RSRC2: variants seen among roughly 807,000 people sequenced by gnomAD.
The protein encoded by RSRC2 is arginine and serine rich coiled-coil 2.
Under a neutral mutation model 61.3 loss-of-function variants are expected in RSRC2, and 5 were observed. The ratio of observed to expected loss-of-function variants is 0.08; its 90% CI spans 0.04 to 0.17. The LOEUF (loss-of-function observed/expected upper bound fraction) is 0.17. Ranked by LOEUF, RSRC2 falls within the 10% of genes least tolerant of loss-of-function variation. The pLI, the probability that RSRC2 is intolerant of heterozygous loss-of-function variation, is 1.00. For synonymous variants in RSRC2, 202 were observed against 166.5 expected, an observed-to-expected ratio of 1.21 and a Z score of -1.64; for missense variants, 381 against 518.8, an observed-to-expected ratio of 0.73 and a Z score of 2.58.
chr12:122,516,139 A>T (rs1199170849), intron 5 of RSRC2, among the ~76,000 whole-genome samples: 1 of 152,206 alleles, frequency 6.6e-6, no homozygotes. Context: ...TAAATCATAA[A>T]AACCAAGTTA....
intron 5 of RSRC2, among the ~76,000 whole-genome samples, chr12:122,515,547 T>C (rs893267151): frequency 6.6e-6 from 1 of 152,220 alleles, no homozygotes; most frequent in Admixed American, 6.5e-5. Context: ...TTTTGCATAG[T>C]ATATCCAATG....
At chr12:122,524,745 A>G (rs1362024719) in intron 1 of RSRC2, among the ~76,000 whole-genome samples, 2 of 152,228 alleles carry the variant, frequency 1.3e-5, no homozygotes, top group African/African-American at 4.8e-5. Context: ...ATAGTAGCAT[A>G]ATACAGGTAT....
Position 122,508,212 on chromosome 12 carries a change from A to C in RSRC2, c.1035+6T>G, listed in dbSNP as rs1489270510. On this transcript the variant is annotated splice_donor_region_variant and intron_variant, in intron 8 of 9. Transcript: ENST00000331738. ...AACGACAGAAAAGCAGAATAAGAGA[A>C]CTTACCCCTTCTTTCTTGCCCTGCC... The C allele has an allele frequency of 6.2e-7, 1 of 1,608,162 alleles. No individual in the cohort carries two copies. Among genetic ancestry groups the C allele is most frequent in the East Asian group, 2.2e-5 (1 of 44,852 alleles).
In RSRC2 at chr12:122,522,124, C is replaced by T. The variant is rs1959291682; in HGVS notation, c.163+19G>A. On this transcript the variant is annotated intron_variant, in intron 2 of 9. Transcript: ENST00000331738. ...TTATACAAATGCTGAGAGTTGTAAC[C>T]ACCTTTAAGAATTCATACCTGACTT... is the stretch of plus-strand genomic sequence containing the variant. 1.2e-6 allele frequency: 2 copies of T among 1,600,380 alleles called. No individual in the cohort carries two copies. Among genetic ancestry groups the T allele is most frequent in the South Asian group, 1.1e-5 (1 of 89,122 alleles).
intron 7 of RSRC2, among the ~76,000 whole-genome samples, chr12:122,508,735 T>A (rs373011352): frequency 2.4e-4 from 36 of 152,112 alleles, no homozygotes; most frequent in African/African-American, 8.4e-4. Context: ...GGTGGGCGGA[T>A]CACCTGAGGT....
At chr12:122,525,805 T>TG (rs1960161141) in intron 1 of RSRC2, among the ~76,000 whole-genome samples, 3 of 5,626 alleles carry the variant, frequency 5.3e-4, no homozygotes, top group Non-Finnish European at 5.8e-4. Context: ...CGAAGAGTTT[T>TG]TTTTTTTTTT....
At chr12:122,522,369 G>C in intron 1 of RSRC2, 70 bp from the exon 2 acceptor site, 2 of 1,393,984 alleles carry the variant, frequency 1.4e-6, no homozygotes, top group Admixed American at 2.8e-5. Flanking sequence ...CTTAAAAGAG[G>C]GACAAAGGGA....
At position 122,526,719 on chromosome 12, in the gene RSRC2, C is replaced by A. The variant is rs1003167030; in HGVS notation, c.6+129G>T. ...TACAGCAGGCAGCCATGATGGCGGG[C>A]GCAGAAGAAGGCCGCGGCGCCATTT... On this transcript the variant is annotated intron_variant, in intron 1 of 9. Transcript: ENST00000331738. The A allele has an allele frequency of 3.7e-5, 38 of 1,038,814 alleles. No homozygotes were observed. In the African/African-American group the frequency reaches 4.4e-4, roughly 12 times the overall value. 64.3% of individuals were successfully genotyped at this position (1,038,814 alleles called of 1,614,324 possible).
chr12:122,517,062 C>A (rs1436206632), intron 5 of RSRC2, among the ~76,000 whole-genome samples, 165 bp downstream of exon 5: 1 of 152,190 alleles, frequency 6.6e-6, no homozygotes, highest in Admixed American at 6.5e-5. Context: ...GAATGCTATT[C>A]AAGTGGTTAG....
chr12:122,514,515 C>T, intron 6 of RSRC2: 1 of 818,260 alleles, frequency 1.2e-6, no homozygotes, highest in Non-Finnish European at 1.5e-6. Flanking sequence ...ATCCGCCCGC[C>T]TCGGCCTCCC....
chr12:122,517,587 A>G (rs113528031), intron 4 of RSRC2, among the ~76,000 whole-genome samples, 157 bp from the exon 5 acceptor site: 5,695 of 152,280 alleles, frequency 0.037, 348 homozygotes, highest in African/African-American at 0.13. Context: ...AGGAAATACT[A>G]ACTGAAAACG....
chr12:122,508,887 C>G (rs890515152), intron 7 of RSRC2, among the ~76,000 whole-genome samples: 2 of 151,500 alleles, frequency 1.3e-5, no homozygotes, highest in African/African-American at 4.9e-5. Context: ...ACCCAAAAGG[C>G]GAAGGTTGCA....
Position 122,522,243 on chromosome 12 carries a change from A to C in RSRC2, c.63T>G (p.Asp21Glu), listed in dbSNP as rs745525395. The change falls in exon 2 of 10, where the codon GAT (aspartate) becomes GAG (glutamate). Residue 21 changes from aspartate to glutamate, a missense_variant. By Grantham distance (45) the Asp-to-Glu change is conservative (BLOSUM62 2). This residue lies in a region of RSRC2 where 266 missense variants were observed against 270.5 expected (regional missense o/e 0.98). Transcript: ENST00000331738. ...LAPEKTSPDR[D>E]KKKEQSEVSV... ...ATACTTCTGACTGCTCTTTTTTCTT[A>C]TCTCTATCTGGTGATGTCTTTTCTG... is the stretch of plus-strand genomic sequence containing the variant. 4 of 1,613,778 alleles carry C rather than the reference A, an allele frequency of 2.5e-6. No individual in the cohort carries two copies. Among genetic ancestry groups the C allele is most frequent in the South Asian group, 1.1e-5 (1 of 91,054 alleles).
Position 122,526,806 on chromosome 12 carries a change from C to G in RSRC2, c.6+42G>C, listed in dbSNP as rs1294414054. On this transcript the variant is annotated intron_variant, in intron 1 of 9. Coordinates refer to ENST00000331738, the MANE Select transcript of RSRC2 (RefSeq NM_023012.6). ...CCGTTCACCCACTGTTGGAACGTAG[C>G]AGAAAAATATCCCTGGCTTTAAACT... is the stretch of plus-strand genomic sequence containing the variant. 3.1e-6 allele frequency: 5 copies of G among 1,612,296 alleles called. No homozygotes were observed. The East Asian group carries it at 8.9e-5, about 29-fold the overall frequency.
In RSRC2 at chr12:122,504,076, T is replaced by C. The variant is rs1566316197; in HGVS notation, c.*1451A>G. 1 of 152,018 alleles carries C rather than the reference T, an allele frequency of 6.6e-6. No individual in the cohort carries two copies. Among genetic ancestry groups the C allele is most frequent in the African/African-American group, 2.4e-5 (1 of 41,384 alleles). 9.4% of individuals were successfully genotyped at this position (152,018 alleles called of 1,614,324 possible). A position where few individuals can be genotyped will look rare whatever the true frequency, so the allele number is the denominator to read the frequency against. The stretch of plus-strand genomic sequence containing the variant: ...AGCAAAAAAAAAGAAAACACCCCAT[T>C]ACTTCATTTTCATGTATAAAAAAAA... On this transcript the variant is annotated 3_prime_UTR_variant, in exon 10 of 10. Transcript: ENST00000331738.
chr12:122,508,146 A>T, intron 8 of RSRC2, 72 bp downstream of exon 8: 1 of 1,363,076 alleles, frequency 7.3e-7, no homozygotes. Flanking sequence ...AATATTTTTC[A>T]ACCCAAATTT....
At position 122,505,444 on chromosome 12, in the gene RSRC2, A is replaced by C; in HGVS notation, c.*83T>G. The C allele has an allele frequency of 2.3e-6, 3 of 1,287,550 alleles. No individual in the cohort carries two copies. Among genetic ancestry groups the C allele is most frequent in the Non-Finnish European group, 3.3e-6 (3 of 917,176 alleles). 79.8% of individuals were successfully genotyped at this position (1,287,550 alleles called of 1,614,324 possible). A position where few individuals can be genotyped will look rare whatever the true frequency, so the allele number is the denominator to read the frequency against. ...AGTCAATGCAACACCCATGCAAGCTAGAGTGCTAGCTGTTTGGTGAACAAG... is the reference window on the plus strand; with the variant it reads ...AGTCAATGCAACACCCATGCAAGCTCGAGTGCTAGCTGTTTGGTGAACAAG... On this transcript the variant is annotated 3_prime_UTR_variant, in exon 10 of 10. Coordinates refer to ENST00000331738, the MANE Select transcript of RSRC2 (RefSeq NM_023012.6).
chr12:122,511,353 AGAT>A (rs1374887916), intron 6 of RSRC2, among the ~76,000 whole-genome samples, 165 bp from the exon 7 acceptor site: 2 of 152,178 alleles, frequency 1.3e-5, no homozygotes, highest in Non-Finnish European at 2.9e-5. Flanking sequence ...ATCATTCTTA[AGAT>A]GATATAAGCT....
In RSRC2 at chr12:122,508,384, GTTAC is replaced by G. The variant is rs1306163620; in HGVS notation, c.865_868del (p.Val289HisfsTer4). 1 of 1,614,182 alleles carries G rather than the reference GTTAC, an allele frequency of 6.2e-7. No homozygotes were observed. The highest frequency in any genetic ancestry group is 1.7e-5 in the Admixed American group (1 of 60,014). On this transcript the variant is annotated frameshift_variant, in exon 8 of 10. Coordinates refer to ENST00000331738, the MANE Select transcript of RSRC2 (RefSeq NM_023012.6). LOFTEE classifies it high-confidence loss of function. ...CTGAGCTGCCATGGCTATCTGAGGT[GTTAC>G]TTGTGTTCCTGATGCCAACAGGGCA...
Sources: allele counts gnomAD v4.1 joint callset (sites outside exome capture counted in the v4.1 genomes callset), GRCh38; gene constraint gnomAD v4.1.1; regional missense constraint gnomAD v4.1.1; transcripts MANE v1.5; gene names NCBI Gene and HGNC (gene_info 2026-07-23, HGNC 2026-07-21).